The following ADAMTS20 variants were observed in gnomAD, a reference collection of about 807,000 sequenced individuals.
The protein encoded by ADAMTS20 is A disintegrin and metalloproteinase with thrombospondin motifs 20.
In ADAMTS20, 225 loss-of-function variants were observed where a neutral mutation model predicts 260.1. That is an observed-to-expected ratio of 0.87 (90% confidence interval 0.78 to 0.97). The LOEUF (loss-of-function observed/expected upper bound fraction) is 0.97, where lower values mean the gene tolerates loss of function less well. Among genes scored for constraint, ADAMTS20 ranks in the 50% least tolerant of loss-of-function variants. The pLI, the probability that ADAMTS20 is intolerant of heterozygous loss-of-function variation, is 0.00. For missense variants in ADAMTS20, 2,400 were observed against 2,337.7 expected (o/e 1.03, Z -0.55); for synonymous variants, 802 against 769.5 (o/e 1.04, Z -0.70).
In ADAMTS20 at chr12:43,542,230, A is replaced by G. The variant is rs147275324; in HGVS notation, c.453+8679T>C. ...CTCCAAAATATCCGTGAAAATATGA[A>G]ATCAAAAATCATAACAATGAGAAAT... On this transcript the variant is annotated intron_variant, in intron 2 of 38. Transcript: ENST00000389420. Among the ~76,000 whole-genome samples, 1,118 of 152,314 alleles carry G rather than the reference A, an allele frequency of 7.3e-3. 17 individuals are homozygous for G. The highest frequency in any genetic ancestry group is 0.026 in the African/African-American group (1,094 of 41,554).
chr12:43,546,929 T>TA (rs1196751027), intron 2 of ADAMTS20, among the ~76,000 whole-genome samples: 1 of 152,150 alleles, frequency 6.6e-6, no homozygotes, highest in African/African-American at 2.4e-5. Context: ...ATATACATGT[T>TA]AAACAAAGAA....
intron 12 of ADAMTS20, 88 bp from the exon 13 acceptor site, chr12:43,452,783 T>C: frequency 3.2e-6 from 4 of 1,267,724 alleles, no homozygotes; most frequent in Non-Finnish European, 4.2e-6. Context: ...TTCCAGGATC[T>C]AGAAAACCAG....
At chr12:43,450,107 C>T (rs1180391302) in intron 14 of ADAMTS20, among the ~76,000 whole-genome samples, 1 of 152,118 alleles carries the variant, frequency 6.6e-6, no homozygotes, top group Non-Finnish European at 1.5e-5. Flanking sequence ...ATAGTCTTAG[C>T]TTCAAATAAG....
At chr12:43,435,666 T>C (rs796480618) in intron 18 of ADAMTS20, among the ~76,000 whole-genome samples, 2 of 93,620 alleles carry the variant, frequency 2.1e-5, no homozygotes, top group Non-Finnish European at 4.4e-5. Context: ...AACAAAAAAA[T>C]AAAAATAAAA....
chr12:43,534,788 A>G (rs1943271543), intron 2 of ADAMTS20, among the ~76,000 whole-genome samples: 1 of 152,180 alleles, frequency 6.6e-6, no homozygotes, highest in African/African-American at 2.4e-5. Context: ...CTAAAACTAA[A>G]TATTTCTATT....
At chr12:43,429,570 A>G (rs1412082718) in intron 24 of ADAMTS20, 47 bp downstream of exon 24, 1 of 1,357,222 alleles carries the variant, frequency 7.4e-7, no homozygotes, top group Non-Finnish European at 1.0e-6. Context: ...TGATGTCTAA[A>G]AGCTACCATA....
At chr12:43,463,884 A>G (rs963119870) in intron 10 of ADAMTS20, among the ~76,000 whole-genome samples, 1 of 152,108 alleles carries the variant, frequency 6.6e-6, no homozygotes, top group Non-Finnish European at 1.5e-5. Context: ...CTCACAACCT[A>G]GTAGGGAGGG....
intron 37 of ADAMTS20, among the ~76,000 whole-genome samples, 153 bp from the exon 38 acceptor site, chr12:43,356,741 C>T (rs554159745): frequency 3.9e-5 from 6 of 152,268 alleles, no homozygotes; most frequent in South Asian, 2.1e-4. Flanking sequence ...CTCTATGATT[C>T]GACAATTAGA....
chr12:43,400,010 A>G (rs1318480747), intron 28 of ADAMTS20, among the ~76,000 whole-genome samples: 2 of 151,904 alleles, frequency 1.3e-5, no homozygotes, highest in Admixed American at 1.3e-4. Flanking sequence ...ATTTTTTTTC[A>G]TTTATAAAAC....
chr12:43,528,864 C>G (rs137950096), intron 3 of ADAMTS20, among the ~76,000 whole-genome samples: 2 of 152,216 alleles, frequency 1.3e-5, no homozygotes, highest in Admixed American at 1.3e-4. Flanking sequence ...AGTAAACAGA[C>G]AGCCCAGAGA....
At chr12:43,510,964 A>G (rs1942916322) in intron 3 of ADAMTS20, among the ~76,000 whole-genome samples, 2 of 152,090 alleles carry the variant, frequency 1.3e-5, no homozygotes, top group Non-Finnish European at 2.9e-5. Context: ...TACAAAGTTT[A>G]TCTTTCTATT....
chr12:43,504,022 A>G (rs1375076774), intron 3 of ADAMTS20, among the ~76,000 whole-genome samples: 1 of 152,186 alleles, frequency 6.6e-6, no homozygotes, highest in East Asian at 1.9e-4. Flanking sequence ...TGCAGTGAAC[A>G]TACACATGCA....
At chr12:43,431,688 C>G (rs1049545710) in intron 21 of ADAMTS20, among the ~76,000 whole-genome samples, 192 bp from the exon 22 acceptor site, 1 of 152,154 alleles carries the variant, frequency 6.6e-6, no homozygotes, top group Admixed American at 6.6e-5. Context: ...CCAAGTCCCA[C>G]TGAAACATCC....
intron 4 of ADAMTS20, among the ~76,000 whole-genome samples, chr12:43,498,028 T>C (rs1037424635): frequency 2.0e-5 from 3 of 152,156 alleles, no homozygotes; most frequent in Non-Finnish European, 4.4e-5. Flanking sequence ...AATGCATATA[T>C]ATATGCCATT....
chr12:43,451,021 A>G (rs770067035), intron 14 of ADAMTS20, among the ~76,000 whole-genome samples: 1 of 152,190 alleles, frequency 6.6e-6, no homozygotes, highest in Non-Finnish European at 1.5e-5. Context: ...AAAATATGAA[A>G]TCAAACTAAG....
At chr12:43,422,518 A>G (rs543336227) in intron 28 of ADAMTS20, among the ~76,000 whole-genome samples, 1 of 152,210 alleles carries the variant, frequency 6.6e-6, no homozygotes, top group Admixed American at 6.5e-5. Context: ...TAATTTAACA[A>G]ATAAATATGC....
intron 17 of ADAMTS20, 55 bp downstream of exon 17, chr12:43,439,842 G>C: frequency 1.3e-6 from 2 of 1,559,166 alleles, no homozygotes; most frequent in East Asian, 2.3e-5. Context: ...CACTTAACCA[G>C]TAGTTTACTA....
In ADAMTS20 at chr12:43,430,419, T is replaced by C. The variant is rs755153331; in HGVS notation, c.3314A>G (p.Asn1105Ser). ...GYQMRDVKCV[N>S]ELASAVLEDT... The stretch of plus-strand genomic sequence containing the variant: ...CTCTAACACTGCACTAGCTAGCTCA[T>C]TGACACATTTAACATCTCGCATCTG... The change falls in exon 23 of 39, where the codon AAT becomes AGT. Residue 1105 changes from asparagine (N) to serine (S), a missense_variant. Asn to Ser is a conservative substitution (Grantham distance 46, BLOSUM62 1). Coordinates refer to ENST00000389420, the MANE Select transcript of ADAMTS20 (RefSeq NM_025003.5). 74 of 1,613,242 alleles carry C rather than the reference T, an allele frequency of 4.6e-5. No homozygotes were observed. Among genetic ancestry groups the C allele is most frequent in the Non-Finnish European group, 5.7e-5 (67 of 1,179,528 alleles).
intron 12 of ADAMTS20, 80 bp from the exon 13 acceptor site, chr12:43,452,775 C>G (rs1941894646): frequency 7.6e-7 from 1 of 1,319,576 alleles, no homozygotes; most frequent in African/African-American, 1.5e-5. Context: ...CCATTCTTTT[C>G]CAGGATCTAG....
Sources: allele counts gnomAD v4.1 joint callset (sites outside exome capture counted in the v4.1 genomes callset), GRCh38; gene constraint gnomAD v4.1.1; transcripts MANE v1.5; gene names NCBI Gene and HGNC (gene_info 2026-07-23, HGNC 2026-07-21).